SPMIP2: variants seen among roughly 807,000 people sequenced by gnomAD.
SPMIP2 encodes sperm microtubule inner protein 2, also known as protein SPMIP2.
the SPMIP2 span, among the ~76,000 whole-genome samples, chr4:158,956,740 A>T: frequency 2.0e-5 from 3 of 152,100 alleles, no homozygotes; most frequent in Non-Finnish European, 2.9e-5. Context: ...CTTCCCCATC[A>T]TTATAACAAA....
chr4:159,026,650 T>C, the SPMIP2 span: 2 of 286,566 alleles, frequency 7.0e-6, no homozygotes, highest in Non-Finnish European at 1.3e-5. Context: ...TCACAAACAT[T>C]TTACATGCAG....
chr4:158,977,645 C>T, the SPMIP2 span, among the ~76,000 whole-genome samples: 5 of 127,186 alleles, frequency 3.9e-5, no homozygotes, highest in African/African-American at 1.2e-4. Context: ...GACGGAGTCT[C>T]GCTCTGTCAG....
At chr4:158,928,667 G>T in the SPMIP2 span, among the ~76,000 whole-genome samples, 1 of 152,136 alleles carries the variant, frequency 6.6e-6, no homozygotes, top group East Asian at 1.9e-4. Flanking sequence ...ACCCGCTCGG[G>T]TACCCTTCCA....
the SPMIP2 span, among the ~76,000 whole-genome samples, chr4:158,999,430 G>T: frequency 6.6e-6 from 1 of 152,080 alleles, no homozygotes; most frequent in Non-Finnish European, 1.5e-5. Context: ...TTTAGGCCAG[G>T]GTAATTTAGA....
At chr4:159,056,375 C>T in the SPMIP2 span, among the ~76,000 whole-genome samples, 7 of 151,546 alleles carry the variant, frequency 4.6e-5, no homozygotes, top group East Asian at 1.9e-4. Context: ...CTATTGTTCA[C>T]GGTGGATGTG....
the SPMIP2 span, among the ~76,000 whole-genome samples, chr4:158,928,646 C>A: frequency 6.6e-6 from 1 of 152,184 alleles, no homozygotes; most frequent in African/African-American, 2.4e-5. Flanking sequence ...CTGCCAGAGC[C>A]AGCAGTGGCA....
At chr4:158,957,194 T>A in the SPMIP2 span, among the ~76,000 whole-genome samples, 1 of 152,202 alleles carries the variant, frequency 6.6e-6, no homozygotes, top group Non-Finnish European at 1.5e-5. Context: ...CAGGTTAAGA[T>A]CAGATTGCTT....
At chr4:158,980,717 A>C in the SPMIP2 span, among the ~76,000 whole-genome samples, 1 of 152,260 alleles carries the variant, frequency 6.6e-6, no homozygotes, top group African/African-American at 2.4e-5. Context: ...ACCAACATCA[A>C]AGAACAAAGG....
At chr4:159,019,443 T>C in the SPMIP2 span, among the ~76,000 whole-genome samples, 1 of 152,164 alleles carries the variant, frequency 6.6e-6, no homozygotes, top group East Asian at 1.9e-4. Context: ...CGTCTTTCTC[T>C]GATTGCAAGG....
chr4:159,006,305 T>C, the SPMIP2 span, among the ~76,000 whole-genome samples: 15 of 152,304 alleles, frequency 9.8e-5, no homozygotes, highest in African/African-American at 3.6e-4. Flanking sequence ...AGAAGCAGTA[T>C]AGAAGGGTCA....
chr4:159,060,010 G>A, the SPMIP2 span, among the ~76,000 whole-genome samples: 4 of 152,320 alleles, frequency 2.6e-5, no homozygotes, highest in African/African-American at 9.6e-5. Flanking sequence ...GGCACTCAGG[G>A]CACAGAATGG....
the SPMIP2 span, among the ~76,000 whole-genome samples, chr4:158,971,033 T>C: frequency 2.1e-4 from 32 of 152,294 alleles, no homozygotes; most frequent in Middle Eastern, 6.8e-3. Flanking sequence ...ACAGAATAAA[T>C]ACATTCCTGG....
chr4:159,077,321 A>G, the SPMIP2 span, among the ~76,000 whole-genome samples: 60 of 151,336 alleles, frequency 4.0e-4, no homozygotes, highest in African/African-American at 1.4e-3. Flanking sequence ...TAATTTTTGC[A>G]TTATTAGTAG....
the SPMIP2 span, among the ~76,000 whole-genome samples, chr4:158,974,178 T>C: frequency 6.6e-6 from 1 of 150,834 alleles, no homozygotes; most frequent in East Asian, 1.9e-4. Context: ...GGGTAGCTTA[T>C]AACAGATTAC....
chr4:158,964,199 G>T, the SPMIP2 span, among the ~76,000 whole-genome samples: 1 of 141,862 alleles, frequency 7.0e-6, no homozygotes, highest in Non-Finnish European at 1.5e-5. Flanking sequence ...AAAAACATGT[G>T]GAGGGATCAT....
the SPMIP2 span, among the ~76,000 whole-genome samples, chr4:158,979,883 C>A: frequency 6.9e-6 from 1 of 145,596 alleles, no homozygotes; most frequent in Non-Finnish European, 1.5e-5. Context: ...GGGGCTGAAG[C>A]CAGGGAACCA....
chr4:158,923,647 G>GT, the SPMIP2 span, among the ~76,000 whole-genome samples: 2 of 152,120 alleles, frequency 1.3e-5, no homozygotes, highest in African/African-American at 4.8e-5. Flanking sequence ...ATAAGATCAT[G>GT]TTATCAGCAA....
the SPMIP2 span, among the ~76,000 whole-genome samples, chr4:159,037,825 CACATAT>C: frequency 4.9e-5 from 5 of 102,252 alleles, no homozygotes; most frequent in South Asian, 3.5e-4. Flanking sequence ...CACACACACA[CACATAT>C]ATATATGTAT....
At chr4:158,946,642 T>A in the SPMIP2 span, among the ~76,000 whole-genome samples, 3 of 152,220 alleles carry the variant, frequency 2.0e-5, no homozygotes, top group Non-Finnish European at 2.9e-5. Flanking sequence ...TTAAACCTCT[T>A]TCTTTATAAA....
Sources: allele counts gnomAD v4.1 joint callset (sites outside exome capture counted in the v4.1 genomes callset), GRCh38; gene constraint gnomAD v4.1.1; transcripts MANE v1.5; gene names NCBI Gene and HGNC (gene_info 2026-07-23, HGNC 2026-07-21).